Variants in PANX1 observed in about 807,000 individuals in gnomAD.
The protein encoded by PANX1 is pannexin-1.
A neutral mutation model predicts 38.7 loss-of-function variants in PANX1; 30 were observed. That is an observed-to-expected ratio of 0.78 (90% CI 0.58 to 1.05). PANX1 has a LOEUF of 1.05. Ranked by LOEUF, PANX1 falls within the 50% of genes least tolerant of loss-of-function variation. PANX1 has a pLI of 0.00. For synonymous variants in PANX1, 230 were observed against 212.2 expected (o/e 1.08, Z -0.73); for missense variants, 551 against 517.2 (o/e 1.07, Z -0.63).
rs1410521259 is a variant in PANX1 at position 94,178,465 on chromosome 11, A to G, written c.418A>G (p.Lys140Glu). ...AAAPHICSDL[K>E]FIMEELDKVY... ...TGCTCCTCATATTTGCTCAGACTTG[A>G]AGTTTATCATGGAAGAACTTGACAA... Residue 140 changes from lysine (K) to glutamate (E), a missense_variant, in exon 3 of 5, where the codon AAG becomes GAG. Coordinates refer to ENST00000227638, the MANE Select transcript of PANX1 (RefSeq NM_015368.4). The G allele has an allele frequency of 6.2e-7, 1 of 1,613,878 alleles. No homozygotes were observed. The highest frequency in any genetic ancestry group is 1.3e-5 in the African/African-American group (1 of 74,886).
intron 2 of PANX1, among the ~76,000 whole-genome samples, chr11:94,162,147 G>A (rs909779655): frequency 6.6e-6 from 1 of 152,202 alleles, no homozygotes; most frequent in African/African-American, 2.4e-5. Context: ...GTGCCTCCCA[G>A]TTAGGCTGCT....
intron 2 of PANX1, among the ~76,000 whole-genome samples, chr11:94,175,199 ATTC>A (rs1388914068): frequency 3.3e-5 from 5 of 151,654 alleles, no homozygotes; most frequent in African/African-American, 9.8e-5. Flanking sequence ...GTTATTTTGG[ATTC>A]TTATTTCCTG....
At chr11:94,142,700 A>T (rs1175336905) in intron 1 of PANX1, among the ~76,000 whole-genome samples, 1 of 152,232 alleles carries the variant, frequency 6.6e-6, no homozygotes. Flanking sequence ...GCTGAGACCA[A>T]GTCTTCTTTA....
rs1237887548 is a variant in PANX1, at chr11:94,153,599, A to G, written c.290A>G (p.Glu97Gly). ...AVQQKNSLQS[E>G]SGNLPLWLHK... ...CAGCAGAAGAACTCACTGCAGAGCG[A>G]GTCTGGAAACCTCCCACTGTGGCTG... The change falls in exon 2 of 5, where the codon GAG (glutamate) becomes GGG (glycine). Residue 97 changes from glutamate (E) to glycine (G), a missense_variant. By Grantham distance (98) the Glu-to-Gly change is moderately conservative. Transcript: ENST00000227638. 1.6e-5 allele frequency: 26 copies of G among 1,613,860 alleles called. No individual in the cohort carries two copies. Among genetic ancestry groups the G allele is most frequent in the Non-Finnish European group, 2.2e-5 (26 of 1,179,914 alleles).
intron 2 of PANX1, among the ~76,000 whole-genome samples, chr11:94,159,822 C>G (rs530326524): frequency 4.5e-4 from 68 of 151,240 alleles, no homozygotes; most frequent in South Asian, 1.7e-3. Flanking sequence ...GTGATGTTAG[C>G]GTGTCAATTT....
intron 2 of PANX1, among the ~76,000 whole-genome samples, chr11:94,158,015 T>G (rs1183819697): frequency 6.6e-6 from 1 of 152,184 alleles, no homozygotes; most frequent in Non-Finnish European, 1.5e-5. Context: ...TTTCCCCATT[T>G]CTTGTTTTTG....
At chr11:94,162,188 T>A (rs1396589753) in intron 2 of PANX1, among the ~76,000 whole-genome samples, 1 of 152,172 alleles carries the variant, frequency 6.6e-6, no homozygotes, top group Admixed American at 6.5e-5. Flanking sequence ...GAGGAGGCAG[T>A]CTGTCCATTC....
intron 2 of PANX1, among the ~76,000 whole-genome samples, chr11:94,159,977 C>T (rs554816034): frequency 1.4e-4 from 22 of 151,966 alleles, no homozygotes; most frequent in Middle Eastern, 3.4e-3. Flanking sequence ...GTCTTCATTT[C>T]GTTATGTACC....
chr11:94,155,332 A>T (rs185063513), intron 2 of PANX1, among the ~76,000 whole-genome samples: 1 of 147,442 alleles, frequency 6.8e-6, no homozygotes, highest in Non-Finnish European at 1.5e-5. Flanking sequence ...CCTGGGGAAC[A>T]AGAGTGGAAC....
chr11:94,139,429 A>ATC (rs1946735397), intron 1 of PANX1, among the ~76,000 whole-genome samples: 1 of 152,210 alleles, frequency 6.6e-6, no homozygotes. Flanking sequence ...TTGTCAGGCT[A>ATC]TCTCACTATT....
At chr11:94,156,416 T>TG (rs1946949237) in intron 2 of PANX1, among the ~76,000 whole-genome samples, 1 of 152,196 alleles carries the variant, frequency 6.6e-6, no homozygotes. Context: ...TTCACAAGGC[T>TG]GGGGACAGAA....
chr11:94,134,236 T>C (rs779481880), intron 1 of PANX1, among the ~76,000 whole-genome samples: 6 of 152,212 alleles, frequency 3.9e-5, no homozygotes, highest in Admixed American at 2.0e-4. Flanking sequence ...TGTCACCTTG[T>C]GCAAGCTGCT....
At chr11:94,148,218 T>A (rs1422109459) in intron 1 of PANX1, among the ~76,000 whole-genome samples, 2 of 152,184 alleles carry the variant, frequency 1.3e-5, no homozygotes, top group Non-Finnish European at 2.9e-5. Context: ...CAGAATATAT[T>A]TAATTTCATG....
chr11:94,145,680 T>A (rs1720650324), intron 1 of PANX1, among the ~76,000 whole-genome samples: 1 of 152,242 alleles, frequency 6.6e-6, no homozygotes, highest in South Asian at 2.1e-4. Context: ...TGACCCCAGA[T>A]AGTTGTTGAC....
chr11:94,129,649 C>G (rs1278797961), intron 1 of PANX1, among the ~76,000 whole-genome samples, 156 bp downstream of exon 1: 2 of 152,198 alleles, frequency 1.3e-5, no homozygotes, highest in Non-Finnish European at 2.9e-5. Flanking sequence ...CCAAAGCGTT[C>G]TTTGCCCAGG....
chr11:94,137,299 T>C (rs573986957), intron 1 of PANX1, among the ~76,000 whole-genome samples: 11 of 152,164 alleles, frequency 7.2e-5, no homozygotes, highest in Non-Finnish European at 1.3e-4. Flanking sequence ...CGAGACTCCT[T>C]CTCAAAATAT....
At chr11:94,145,930 A>G (rs1396003247) in intron 1 of PANX1, among the ~76,000 whole-genome samples, 1 of 152,222 alleles carries the variant, frequency 6.6e-6, no homozygotes, top group Non-Finnish European at 1.5e-5. Context: ...AATTTTTTAT[A>G]AAAGATTTCT....
In PANX1 at chr11:94,178,518, A is replaced by G; in HGVS notation, c.471A>G (p.Ala157=). The G allele has an allele frequency of 6.2e-7, 1 of 1,614,140 alleles. No individual in the cohort carries two copies. ...DKVYNRAIKA[A]KSARDLDMRD... ...TTTACAACCGTGCAATTAAGGCTGC[A>G]AAGAGTGCGCGTGACCTTGACATGA... Residue 157 remains alanine, a synonymous_variant, in exon 3 of 5, where the codon GCA becomes GCG. Transcript: ENST00000227638.
chr11:94,144,348 A>G (rs1946802074), intron 1 of PANX1, among the ~76,000 whole-genome samples: 1 of 151,950 alleles, frequency 6.6e-6, no homozygotes, highest in Non-Finnish European at 1.5e-5. Context: ...CAGCTCTCAC[A>G]TGTCACATTC....
Sources: allele counts gnomAD v4.1 joint callset (sites outside exome capture counted in the v4.1 genomes callset), GRCh38; gene constraint gnomAD v4.1.1; transcripts MANE v1.5; gene names NCBI Gene and HGNC (gene_info 2026-07-23, HGNC 2026-07-21).